The following UTS2B variants were observed in gnomAD, a reference collection of about 807,000 sequenced individuals.
The protein encoded by UTS2B is urotensin-2B.
Under a neutral mutation model 19.2 loss-of-function variants are expected in UTS2B, and 21 were observed. The ratio of observed to expected loss-of-function variants is 1.09; its 90% CI spans 0.78 to 1.58. UTS2B has a LOEUF of 1.58. UTS2B is among the 40% of genes most tolerant of loss of function. The probability of loss-of-function intolerance (pLI) is 0.00; values close to 1 mark genes in which losing one functional copy is unlikely to be tolerated. For synonymous variants in UTS2B, 57 were observed against 50.2 expected (o/e 1.14, Z -0.58); for missense variants, 138 against 130.3 (o/e 1.06, Z -0.29).
intron 4 of UTS2B, chr3:191,294,775 T>A (rs1215502646): frequency 3.3e-5 from 5 of 151,180 alleles, no homozygotes; most frequent in Admixed American, 3.3e-4. Context: ...ATTTCTGTAA[T>A]CCTAGCCCTT....
the UTS2B span, among the ~76,000 whole-genome samples, chr3:191,344,150 A>G: frequency 1.3e-5 from 2 of 152,226 alleles, no homozygotes; most frequent in South Asian, 2.1e-4. Flanking sequence ...GCAAGCACAC[A>G]TGCTTGTGCA....
At chr3:191,307,884 G>A (rs1717187619) in intron 3 of UTS2B, among the ~76,000 whole-genome samples, 1 of 145,658 alleles carries the variant, frequency 6.9e-6, no homozygotes, top group African/African-American at 2.6e-5. Context: ...TGCCCAGGCT[G>A]GAGTGTAGTG....
At chr3:191,336,720 C>T in the UTS2B span, among the ~76,000 whole-genome samples, 14 of 152,170 alleles carry the variant, frequency 9.2e-5, no homozygotes, top group Admixed American at 9.2e-4. Context: ...TATATACAGA[C>T]TATGTACTCA....
chr3:191,326,971 A>G (rs11924821), intron 2 of UTS2B, among the ~76,000 whole-genome samples: 39,148 of 152,228 alleles, frequency 0.26, 6,200 homozygotes, highest in East Asian at 0.44. Flanking sequence ...CCGATTCTCT[A>G]AACAATAGTT....
At position 191,280,414 on chromosome 3, in the gene UTS2B, T is replaced by C. The variant is rs188397078; in HGVS notation, c.103+1673A>G. Among the ~76,000 whole-genome samples the C allele has an allele frequency of 2.5e-4, 38 of 152,242 alleles. No individual in the cohort carries two copies. The South Asian group carries it at 3.5e-3, about 14-fold the overall frequency. On this transcript the variant is annotated intron_variant, in intron 5 of 8. Transcript: ENST00000340524. The stretch of plus-strand genomic sequence containing the variant: ...AGAAAAAAGCTGATAACCCCAACTT[T>C]GTAGTCTGTGTCAGCAGATAAATGC...
intron 4 of UTS2B, among the ~76,000 whole-genome samples, chr3:191,304,209 C>T (rs1467507464): frequency 1.3e-5 from 2 of 152,172 alleles, no homozygotes; most frequent in African/African-American, 4.8e-5. Context: ...CCACCTGCCT[C>T]GGCCTCCCAA....
chr3:191,319,187 T>C (rs1218398926), intron 2 of UTS2B, among the ~76,000 whole-genome samples: 3 of 152,210 alleles, frequency 2.0e-5, no homozygotes, highest in African/African-American at 7.2e-5. Context: ...TCCCTAGATA[T>C]GCAAACTGCT....
chr3:191,331,691 C>G (rs1717990612), upstream of UTS2B, among the ~76,000 whole-genome samples: 2 of 152,138 alleles, frequency 1.3e-5, no homozygotes. Flanking sequence ...GAATGTCCTA[C>G]TAATGGTGGT....
At chr3:191,303,980 T>C (rs1463862309) in intron 4 of UTS2B, among the ~76,000 whole-genome samples, 2 of 152,012 alleles carry the variant, frequency 1.3e-5, no homozygotes, top group Admixed American at 1.3e-4. Context: ...TTTTTTTTTT[T>C]CTTTTCTGAG....
At chr3:191,290,334 T>C (rs1319008945) in intron 4 of UTS2B, among the ~76,000 whole-genome samples, 1 of 152,246 alleles carries the variant, frequency 6.6e-6, no homozygotes, top group Non-Finnish European at 1.5e-5. Context: ...TACACATTTA[T>C]AGTATATAGC....
chr3:191,277,604 T>C (rs1321501140), intron 6 of UTS2B: 1 of 152,120 alleles, frequency 6.6e-6, no homozygotes, highest in Admixed American at 6.5e-5. Context: ...GTAGCCTAAA[T>C]TTTTCATTCA....
chr3:191,294,638 TC>T (rs1203447543), intron 4 of UTS2B: 3 of 151,832 alleles, frequency 2.0e-5, no homozygotes, highest in Admixed American at 1.3e-4. Context: ...TATGTATTCT[TC>T]CAATCTTCTC....
chr3:191,331,342 G>A (rs533094504), upstream of UTS2B, among the ~76,000 whole-genome samples: 1 of 152,176 alleles, frequency 6.6e-6, no homozygotes, highest in South Asian at 2.1e-4. Flanking sequence ...TTACCCTTAG[G>A]TCTTCTGATT....
chr3:191,322,045 T>C (rs936068930), intron 2 of UTS2B, among the ~76,000 whole-genome samples: 25 of 137,202 alleles, frequency 1.8e-4, no homozygotes, highest in Middle Eastern at 3.8e-3. Context: ...TATATACATA[T>C]ATATGTGTGT....
At chr3:191,305,902 C>T (rs1421891298) in intron 3 of UTS2B, among the ~76,000 whole-genome samples, 4 of 152,148 alleles carry the variant, frequency 2.6e-5, no homozygotes, top group Admixed American at 6.5e-5. Flanking sequence ...TATTCCAGCA[C>T]CATTTATTAA....
intron 6 of UTS2B, 117 bp from the exon 7 acceptor site, chr3:191,276,961 C>A: frequency 1.2e-6 from 1 of 805,886 alleles, no homozygotes; most frequent in South Asian, 1.8e-5. Context: ...TATGATTTGA[C>A]ATCACCCATC....
intron 7 of UTS2B, among the ~76,000 whole-genome samples, chr3:191,276,334 C>G (rs1000265189): frequency 1.3e-5 from 2 of 152,146 alleles, no homozygotes; most frequent in Non-Finnish European, 2.9e-5. Context: ...CTAGGGGTCC[C>G]CGTCAAGAAG....
At chr3:191,298,495 C>T (rs571994138) in intron 4 of UTS2B, among the ~76,000 whole-genome samples, 1 of 152,306 alleles carries the variant, frequency 6.6e-6, no homozygotes, top group East Asian at 1.9e-4. Flanking sequence ...TTTCCCTTTG[C>T]CTTCAGGAAT....
chr3:191,342,172 G>A, the UTS2B span, among the ~76,000 whole-genome samples: 164 of 152,248 alleles, frequency 1.1e-3, 4 homozygotes, highest in East Asian at 0.024. Flanking sequence ...TTTGATTTCC[G>A]TAATCCAAGA....
Sources: allele counts gnomAD v4.1 joint callset (sites outside exome capture counted in the v4.1 genomes callset), GRCh38; gene constraint gnomAD v4.1.1; transcripts MANE v1.5; gene names NCBI Gene and HGNC (gene_info 2026-07-23, HGNC 2026-07-21).